LPAR3: variants seen among roughly 807,000 people sequenced by gnomAD.
The protein encoded by LPAR3 is lysophosphatidic acid receptor 3, also known as LPA receptor 3.
A neutral mutation model predicts 17.8 loss-of-function variants in LPAR3; 7 were observed. That is an observed-to-expected ratio of 0.39 (90% confidence interval 0.22 to 0.74). The LOEUF is 0.74. Among genes scored for constraint, LPAR3 ranks in the 30% least tolerant of loss-of-function variants. LPAR3 has a pLI of 0.40. For missense variants in LPAR3, 391 were observed against 453.4 expected (o/e 0.86, Z 1.25); for synonymous variants, 179 against 179.9 (o/e 0.99, Z 0.04).
At chr1:84,888,102 C>A (rs1220986305) in intron 1 of LPAR3, among the ~76,000 whole-genome samples, 1 of 150,568 alleles carries the variant, frequency 6.6e-6, no homozygotes, top group Non-Finnish European at 1.5e-5. Flanking sequence ...GACTTCCTCT[C>A]AGAATAAAGA....
intron 1 of LPAR3, among the ~76,000 whole-genome samples, chr1:84,870,017 G>A (rs1239763396): frequency 2.0e-5 from 3 of 152,102 alleles, no homozygotes; most frequent in Non-Finnish European, 2.9e-5. Flanking sequence ...CCCAGTACAC[G>A]TTATCTACAG....
chr1:84,834,924 T>C (rs973777515), intron 2 of LPAR3, among the ~76,000 whole-genome samples: 21 of 152,212 alleles, frequency 1.4e-4, no homozygotes, highest in African/African-American at 4.8e-4. Context: ...GCAGAGGAGC[T>C]CCGATTTTTA....
In LPAR3 at chr1:84,814,189, G is replaced by A. The variant is rs1287155816; in HGVS notation, c.737-18C>T. ...AAACGCCCCTGCAAGGAGAGAAGAGGAGGCAACAGATGCTCAGACCTTAGG... is the reference window on the plus strand; with the variant it reads ...AAACGCCCCTGCAAGGAGAGAAGAGAAGGCAACAGATGCTCAGACCTTAGG... On this transcript the variant is annotated intron_variant, in intron 2 of 2. Coordinates refer to ENST00000370611, the MANE Select transcript of LPAR3 (RefSeq NM_012152.3). 3.1e-6 allele frequency: 5 copies of A among 1,604,604 alleles called. No homozygotes were observed. The highest frequency in any genetic ancestry group is 4.3e-6 in the Non-Finnish European group (5 of 1,173,346).
At chr1:84,850,295 C>T (rs1411782080) in intron 2 of LPAR3, among the ~76,000 whole-genome samples, 1 of 150,222 alleles carries the variant, frequency 6.7e-6, no homozygotes, top group Non-Finnish European at 1.5e-5. Flanking sequence ...CACTGGCTCA[C>T]GCCTGTACCC....
chr1:84,860,514 T>C (rs1442741081), intron 2 of LPAR3, among the ~76,000 whole-genome samples: 2 of 152,030 alleles, frequency 1.3e-5, no homozygotes, highest in African/African-American at 2.4e-5. Flanking sequence ...CCCATGCAAA[T>C]CCCACCTATC....
intron 2 of LPAR3, among the ~76,000 whole-genome samples, chr1:84,830,308 C>T (rs1275589660): frequency 6.6e-6 from 1 of 152,106 alleles, no homozygotes; most frequent in Non-Finnish European, 1.5e-5. Flanking sequence ...TAATTAGATA[C>T]ATAAACAGAC....
In LPAR3 at chr1:84,813,997, A is replaced by G; in HGVS notation, c.911T>C (p.Met304Thr). 1 of 1,614,086 alleles carries G rather than the reference A, an allele frequency of 6.2e-7. No individual in the cohort carries two copies. Among genetic ancestry groups the G allele is most frequent in the Middle Eastern group, 1.6e-4 (1 of 6,062 alleles). ...SYKDEDMYGTMKKMICCFSQE... is the reference protein window; with the variant it reads ...SYKDEDMYGTTKKMICCFSQE... ...AGAGAAGCAGCAGATCATCTTCTTC[A>G]TGGTGCCATACATGTCCTCGTCCTT... is the stretch of plus-strand genomic sequence containing the variant. Residue 304 changes from methionine to threonine, a missense_variant, in exon 3 of 3, where the codon ATG becomes ACG. By Grantham distance (81) the Met-to-Thr change is moderately conservative. Transcript: ENST00000370611.
chr1:84,889,828 G>C (rs1660520697), intron 1 of LPAR3, among the ~76,000 whole-genome samples: 1 of 152,128 alleles, frequency 6.6e-6, no homozygotes, highest in African/African-American at 2.4e-5. Context: ...CAATGTTTAT[G>C]CACTCTTCAC....
chr1:84,829,152 A>ATTTTTTTTTTTTTTTTTT lies in LPAR3; in HGVS notation c.737-14999_737-14982dup, dbSNP rs56095946. ...TGATTTCCTTGTATCCCTCTCTGCA[A>ATTTTTTTTTTTTTTTTTT]TTTTTTTTTTTTTTTTTTTTTTTTT... On this transcript the variant is annotated intron_variant, in intron 2 of 2. Coordinates refer to ENST00000370611, the MANE Select transcript of LPAR3 (RefSeq NM_012152.3). 3.6e-5 allele frequency among the ~76,000 whole-genome samples: 2 copies of ATTTTTTTTTTTTTTTTTT among 55,526 alleles called. 1 individual carries two copies. Among genetic ancestry groups the ATTTTTTTTTTTTTTTTTT allele is most frequent in the Non-Finnish European group, 5.9e-5 (2 of 33,824 alleles). 36.4% of individuals were successfully genotyped at this position (55,526 alleles called of 152,430 possible).
intron 2 of LPAR3, among the ~76,000 whole-genome samples, chr1:84,815,612 T>A (rs919817721): frequency 6.6e-6 from 1 of 152,200 alleles, no homozygotes; most frequent in Non-Finnish European, 1.5e-5. Context: ...GTCAGACATG[T>A]ATGCACAGCT....
At chr1:84,852,830 G>T (rs990404594) in intron 2 of LPAR3, among the ~76,000 whole-genome samples, 1 of 152,136 alleles carries the variant, frequency 6.6e-6, no homozygotes, top group African/African-American at 2.4e-5. Context: ...ATAACAGGAA[G>T]GTCAAGGTAG....
At chr1:84,836,807 G>GA (rs1199665480) in intron 2 of LPAR3, among the ~76,000 whole-genome samples, 1 of 152,072 alleles carries the variant, frequency 6.6e-6, no homozygotes, top group Non-Finnish European at 1.5e-5. Context: ...ATAATATAAT[G>GA]AAAGCTACTC....
chr1:84,889,199 C>A (rs1231868781), intron 1 of LPAR3, among the ~76,000 whole-genome samples: 1 of 152,078 alleles, frequency 6.6e-6, no homozygotes, highest in African/African-American at 2.4e-5. Flanking sequence ...GGTACTAAAT[C>A]CCCTCCCCCA....
Position 84,813,551 on chromosome 1 carries a change from G to T in LPAR3, c.*295C>A. ...TTTAAAATACAAAGAGAATGGCTAC[G>T]AAATGGTGCCAGAACCCAGAAGGCC... is the stretch of plus-strand genomic sequence containing the variant. On this transcript the variant is annotated 3_prime_UTR_variant, in exon 3 of 3. Transcript: ENST00000370611. 1 of 310,358 alleles carries T rather than the reference G, an allele frequency of 3.2e-6. No individual in the cohort carries two copies. The highest frequency in any genetic ancestry group is 6.0e-6 in the Non-Finnish European group (1 of 167,082). 19.2% of individuals were successfully genotyped at this position (310,358 alleles called of 1,614,324 possible).
At chr1:84,851,040 T>C (rs1388542331) in intron 2 of LPAR3, among the ~76,000 whole-genome samples, 1 of 152,200 alleles carries the variant, frequency 6.6e-6, no homozygotes, top group Non-Finnish European at 1.5e-5. Flanking sequence ...CAACTTGATA[T>C]ATGACCTGGG....
intron 2 of LPAR3, among the ~76,000 whole-genome samples, chr1:84,862,068 A>T (rs1015492662): frequency 6.6e-6 from 1 of 152,194 alleles, no homozygotes; most frequent in Non-Finnish European, 1.5e-5. Context: ...TAATATGATG[A>T]GAAAAGAAAG....
chr1:84,833,758 A>C (rs1169881166), intron 2 of LPAR3, among the ~76,000 whole-genome samples: 1 of 152,204 alleles, frequency 6.6e-6, no homozygotes, highest in African/African-American at 2.4e-5. Context: ...ACCCAGCTGC[A>C]GGGGTGGCTG....
At chr1:84,838,679 A>G (rs1436586741) in intron 2 of LPAR3, among the ~76,000 whole-genome samples, 1 of 152,190 alleles carries the variant, frequency 6.6e-6, no homozygotes, top group Non-Finnish European at 1.5e-5. Flanking sequence ...TTCATTCTCC[A>G]TAGTGTGGTC....
At chr1:84,849,684 C>G (rs1190949790) in intron 2 of LPAR3, among the ~76,000 whole-genome samples, 1 of 152,092 alleles carries the variant, frequency 6.6e-6, no homozygotes, top group Non-Finnish European at 1.5e-5. Context: ...GCACCAGTGT[C>G]CCTCCTGCTA....
Sources: allele counts gnomAD v4.1 joint callset (sites outside exome capture counted in the v4.1 genomes callset), GRCh38; gene constraint gnomAD v4.1.1; transcripts MANE v1.5; gene names NCBI Gene and HGNC (gene_info 2026-07-23, HGNC 2026-07-21).